Variants in ART3 observed in about 807,000 individuals in gnomAD.
ART3 encodes the protein ADP-ribosyltransferase 3 (inactive), also known as ecto-ADP-ribosyltransferase 3.
Under a neutral mutation model 48.5 loss-of-function variants are expected in ART3, and 49 were observed. That is an observed-to-expected ratio of 1.01 (90% CI 0.80 to 1.28). The LOEUF (loss-of-function observed/expected upper bound fraction) is 1.28, where lower values mean the gene tolerates loss of function less well. ART3 is among the 50% of genes most tolerant of loss of function. ART3 has a pLI of 0.00. For synonymous variants in ART3, 145 were observed against 157.2 expected (o/e 0.92, Z 0.58); for missense variants, 438 against 454.3 (o/e 0.96, Z 0.33).
intron 8 of ART3, among the ~76,000 whole-genome samples, chr4:76,102,581 A>G (rs1727570615): frequency 6.6e-6 from 1 of 152,000 alleles, no homozygotes; most frequent in South Asian, 2.1e-4. Flanking sequence ...CATGTTTTCA[A>G]AACCATCTAA....
intron 8 of ART3, among the ~76,000 whole-genome samples, chr4:76,103,327 A>G (rs935220424): frequency 6.6e-6 from 1 of 151,960 alleles, no homozygotes; most frequent in Non-Finnish European, 1.5e-5. Context: ...ATTGTACCCC[A>G]CCACAGCCTG....
intron 3 of ART3, among the ~76,000 whole-genome samples, chr4:76,092,732 C>G (rs1304953810): frequency 6.6e-6 from 1 of 152,058 alleles, no homozygotes; most frequent in Non-Finnish European, 1.5e-5. Flanking sequence ...TTTTTCACCC[C>G]TCTCTTCTTC....
chr4:76,065,240 A>G (rs1719615985), intron 1 of ART3, among the ~76,000 whole-genome samples: 1 of 152,182 alleles, frequency 6.6e-6, no homozygotes, highest in South Asian at 2.1e-4. Flanking sequence ...TGGCGAGCTC[A>G]CTGAGTGCTT....
At chr4:76,033,560 C>A (rs1734070393) in intron 1 of ART3, 1 of 152,170 alleles carries the variant, frequency 6.6e-6, no homozygotes, top group Non-Finnish European at 1.5e-5. Flanking sequence ...AACTGTCTTT[C>A]CCACCTACCC....
Position 76,043,693 on chromosome 4 carries a change from C to T in ART3, c.-9-32188C>T, listed in dbSNP as rs71629030. Among the ~76,000 whole-genome samples, 4 of 149,750 alleles carry T rather than the reference C, an allele frequency of 2.7e-5. 1 individual carries two copies. Among genetic ancestry groups the T allele is most frequent in the African/African-American group, 4.9e-5 (2 of 40,752 alleles). On this transcript the variant is annotated intron_variant, in intron 1 of 9. Transcript: ENST00000341029. ...CCTCCACACCTCCCTGCAAGCTGAG[C>T]GAGCCAGCTCCGGCCTTGGCCAGCC...
At chr4:76,075,985 G>C (rs1051996806) in intron 2 of ART3, 27 bp downstream of exon 2, 2 of 1,496,536 alleles carry the variant, frequency 1.3e-6, no homozygotes, top group Non-Finnish European at 1.8e-6. Flanking sequence ...GAAGCATGTG[G>C]TCATTGGAAT....
intron 1 of ART3, among the ~76,000 whole-genome samples, chr4:76,052,193 C>T (rs796283179): frequency 1.3e-5 from 2 of 152,248 alleles, no homozygotes; most frequent in African/African-American, 4.8e-5. Context: ...CCTGCCTGGT[C>T]AATATGCTTT....
At chr4:76,105,931 T>C (rs913069766) in intron 10 of ART3, 2 of 985,180 alleles carry the variant, frequency 2.0e-6, no homozygotes, top group African/African-American at 3.5e-5. Context: ...GGACCAGCCA[T>C]TCTGTGTGCT....
intron 8 of ART3, among the ~76,000 whole-genome samples, chr4:76,103,370 GA>G (rs145922682): frequency 0.031 from 4,719 of 150,454 alleles, 198 homozygotes; most frequent in African/African-American, 0.095. Context: ...TCTCAAAAAA[GA>G]AAAAAAAATA....
At chr4:76,097,593 T>G in intron 3 of ART3, 51 bp from the exon 4 acceptor site, 1 of 1,445,518 alleles carries the variant, frequency 6.9e-7, no homozygotes, top group African/African-American at 1.4e-5. Context: ...ATTGAAATAT[T>G]TACTAGGGTA....
intron 1 of ART3, chr4:76,021,875 GCCTCTGTGTGGTCCAT>G (rs1732852655): frequency 6.5e-7 from 1 of 1,536,960 alleles, no homozygotes; most frequent in African/African-American, 1.4e-5. Flanking sequence ...GGGAGAGGCA[GCCTCTGTGTGGTCCAT>G]CCTTGGAAGC....
chr4:76,090,205 A>C (rs1183325825), intron 3 of ART3, among the ~76,000 whole-genome samples: 3 of 152,262 alleles, frequency 2.0e-5, no homozygotes, highest in African/African-American at 7.2e-5. Context: ...AGGTTTTAGT[A>C]GCCAGGTTTG....
intron 3 of ART3, among the ~76,000 whole-genome samples, chr4:76,091,778 T>C (rs1475862190): frequency 6.6e-6 from 1 of 150,558 alleles, no homozygotes; most frequent in East Asian, 2.0e-4. Context: ...GCTTCCTGGG[T>C]TCAAGCAATT....
chr4:76,027,489 G>A (rs952607148), intron 1 of ART3, among the ~76,000 whole-genome samples: 1 of 151,052 alleles, frequency 6.6e-6, no homozygotes, highest in East Asian at 2.0e-4. Context: ...ATGGTAAAGG[G>A]GGAAGCCAAC....
upstream of ART3, among the ~76,000 whole-genome samples, chr4:76,073,886 G>A (rs776034375): frequency 1.4e-4 from 22 of 152,130 alleles, no homozygotes; most frequent in African/African-American, 4.6e-4. Flanking sequence ...GAGTTTGTTC[G>A]TTTTCATTGC....
intron 1 of ART3, among the ~76,000 whole-genome samples, chr4:76,014,351 A>C (rs1335158345): frequency 2.6e-5 from 4 of 152,218 alleles, no homozygotes; most frequent in Non-Finnish European, 5.9e-5. Flanking sequence ...GGTAGAAATT[A>C]TAAAAAAGGA....
intron 3 of ART3, among the ~76,000 whole-genome samples, chr4:76,090,178 GT>G (rs1257345824): frequency 6.6e-6 from 1 of 152,232 alleles, no homozygotes; most frequent in Non-Finnish European, 1.5e-5. Flanking sequence ...TCAGCCACAT[GT>G]TTGTGAAAGT....
intron 8 of ART3, 117 bp downstream of exon 8, chr4:76,101,136 A>T (rs1727220110): frequency 2.4e-6 from 3 of 1,229,374 alleles, no homozygotes; most frequent in Non-Finnish European, 3.5e-6. Context: ...AGCTCACCTT[A>T]GCTTACTGGT....
chr4:76,081,832 T>G lies in ART3; in HGVS notation c.78T>G (p.Ala26=), dbSNP rs1461572747. The G allele has an allele frequency of 6.2e-7, 1 of 1,610,494 alleles. No homozygotes were observed. The highest frequency in any genetic ancestry group is 8.5e-7 in the Non-Finnish European group (1 of 1,177,656). ...TTCTTTTTCCTTTGAAGGTGAAGGC[T>G]GAAGTGTTAGACATGGCAGATAATG... ...MILVDIFQVK[A]EVLDMADNAF... Residue 26 remains alanine (A), a synonymous_variant, in exon 3 of 12, where the codon GCT becomes GCG. Transcript: ENST00000355810.
Sources: allele counts gnomAD v4.1 joint callset (sites outside exome capture counted in the v4.1 genomes callset), GRCh38; gene constraint gnomAD v4.1.1; transcripts MANE v1.5; gene names NCBI Gene and HGNC (gene_info 2026-07-23, HGNC 2026-07-21).